The following FRAS1 variants were observed in gnomAD, a reference collection of about 807,000 sequenced individuals.
FRAS1 encodes extracellular matrix organizing protein FRAS1.
In FRAS1, 290 loss-of-function variants were observed where a neutral mutation model predicts 435.2. The ratio of observed to expected loss-of-function variants is 0.67; its 90% CI spans 0.61 to 0.73. FRAS1 has a LOEUF of 0.73. FRAS1 is among the 30% of genes least tolerant of loss of function. The pLI, the probability that FRAS1 is intolerant of heterozygous loss-of-function variation, is 0.00. For missense variants in FRAS1, 4,860 were observed against 5,001.5 expected (o/e 0.97, Z 0.85); for synonymous variants, 1,800 against 1,851.0 (o/e 0.97, Z 0.71).
chr4:78,521,703 A>C (rs1721392411), intron 68 of FRAS1, 73 bp downstream of exon 68: 1 of 936,168 alleles, frequency 1.1e-6, no homozygotes, highest in Admixed American at 2.2e-5. Flanking sequence ...AGTTGAAAGA[A>C]TAGAACAGTA....
At chr4:78,228,721 C>T (rs1429625727) in intron 2 of FRAS1, among the ~76,000 whole-genome samples, 2 of 152,188 alleles carry the variant, frequency 1.3e-5, no homozygotes, top group South Asian at 2.1e-4. Context: ...CTAAATGCTA[C>T]ACCTACTCCC....
At chr4:78,455,015 A>G (rs1323299719) in intron 47 of FRAS1, among the ~76,000 whole-genome samples, 1 of 151,980 alleles carries the variant, frequency 6.6e-6, no homozygotes, top group Non-Finnish European at 1.5e-5. Context: ...TTATTTCCTA[A>G]TTCACACCTT....
intron 2 of FRAS1, among the ~76,000 whole-genome samples, chr4:78,218,538 T>C (rs1217279325): frequency 2.0e-5 from 3 of 152,230 alleles, no homozygotes; most frequent in Non-Finnish European, 4.4e-5. Flanking sequence ...GTATGATATC[T>C]GATTGAAACC....
intron 70 of FRAS1, among the ~76,000 whole-genome samples, chr4:78,527,317 TATTC>T (rs56229743): frequency 5.1e-4 from 77 of 150,650 alleles, no homozygotes; most frequent in South Asian, 1.3e-3. Context: ...TTGTGCTGTA[TATTC>T]ATTCATTCAT....
chr4:78,452,425 A>G (rs1034136552), intron 47 of FRAS1, 71 bp downstream of exon 47: 1 of 1,125,510 alleles, frequency 8.9e-7, no homozygotes, highest in African/African-American at 1.6e-5. Flanking sequence ...CAGCCACATC[A>G]TGTATCATGT....
At chr4:78,354,277 C>T (rs1443733889) in intron 20 of FRAS1, among the ~76,000 whole-genome samples, 1 of 152,080 alleles carries the variant, frequency 6.6e-6, no homozygotes, top group South Asian at 2.1e-4. Flanking sequence ...ATTCTGTTGT[C>T]GTGTTTTATT....
intron 2 of FRAS1, among the ~76,000 whole-genome samples, chr4:78,121,715 G>T (rs1034198764): frequency 6.6e-6 from 1 of 152,186 alleles, no homozygotes; most frequent in Non-Finnish European, 1.5e-5. Context: ...ACTGGACCGT[G>T]TGTGTTTTAC....
intron 69 of FRAS1, among the ~76,000 whole-genome samples, chr4:78,525,485 A>AGTTGG (rs1237249482): frequency 2.0e-5 from 3 of 152,224 alleles, no homozygotes; most frequent in African/African-American, 7.2e-5. Flanking sequence ...CCCAGTTTTC[A>AGTTGG]GCCTGTGCCA....
chr4:78,200,910 T>TAC (rs1251089684), intron 2 of FRAS1, among the ~76,000 whole-genome samples: 3 of 147,810 alleles, frequency 2.0e-5, no homozygotes, highest in Non-Finnish European at 4.5e-5. Flanking sequence ...TACGTATATA[T>TAC]ATATATATGT....
rs188567646 is a variant in FRAS1 at position 78,487,494 on chromosome 4, C to T, written c.8753-1381C>T. ...GAGGCAGCCAGGAAATTGGTGATTA[C>T]AGCTTTAACCCAAAGACTAATTCTG... On this transcript the variant is annotated intron_variant, in intron 58 of 73. Transcript: ENST00000512123. 3.0e-3 allele frequency among the ~76,000 whole-genome samples: 459 copies of T among 152,170 alleles called. 2 individuals carry two copies. Among genetic ancestry groups the T allele is most frequent in the African/African-American group, 0.011 (444 of 41,530 alleles).
chr4:78,520,144 ACTC>A (rs1260445616), intron 67 of FRAS1, among the ~76,000 whole-genome samples: 1 of 149,880 alleles, frequency 6.7e-6, no homozygotes, highest in Admixed American at 6.6e-5. Flanking sequence ...CCTCACCCCC[ACTC>A]AGTTTCCACA....
chr4:78,464,012 T>C lies in FRAS1; in HGVS notation c.6764-9T>C. ...TCCTGTCTCTGTTTCTCTTTTCCCC[T>C]TTTTCTAGGTATCCAGATTAGTTCC... is the stretch of plus-strand genomic sequence containing the variant. On this transcript the variant is annotated splice_polypyrimidine_tract_variant and intron_variant, in intron 47 of 73. Transcript: ENST00000512123. The C allele has an allele frequency of 1.2e-6, 2 of 1,611,758 alleles. No individual in the cohort carries two copies. Among genetic ancestry groups the C allele is most frequent in the Non-Finnish European group, 1.7e-6 (2 of 1,179,134 alleles).
chr4:78,452,449 G>A, intron 47 of FRAS1, 95 bp downstream of exon 47: 1 of 929,184 alleles, frequency 1.1e-6, no homozygotes, highest in Non-Finnish European at 1.6e-6. Context: ...CCTAGAATCT[G>A]CCTTAATTCA....
At chr4:78,094,856 T>G (rs1037792387) in intron 2 of FRAS1, among the ~76,000 whole-genome samples, 2 of 152,164 alleles carry the variant, frequency 1.3e-5, no homozygotes, top group African/African-American at 4.8e-5. Context: ...AGAATTCCTA[T>G]GCCTTGATTT....
At chr4:78,260,942 A>G (rs1726066734) in intron 6 of FRAS1, among the ~76,000 whole-genome samples, 1 of 152,124 alleles carries the variant, frequency 6.6e-6, no homozygotes, top group African/African-American at 2.4e-5. Context: ...TTTAGACTGT[A>G]TTCCAGTTTT....
intron 23 of FRAS1, among the ~76,000 whole-genome samples, chr4:78,372,275 C>G (rs1186682776): frequency 3.9e-5 from 6 of 152,190 alleles, no homozygotes; most frequent in African/African-American, 1.4e-4. Flanking sequence ...TTATTGGTGG[C>G]AGCAGATGCA....
At chr4:78,239,267 CTT>C (rs138554466) in intron 3 of FRAS1, among the ~76,000 whole-genome samples, 1,903 of 152,242 alleles carry the variant, frequency 0.012, 34 homozygotes, top group African/African-American at 0.042. Flanking sequence ...GGCCCAAAAA[CTT>C]AACATCACTT....
intron 58 of FRAS1, among the ~76,000 whole-genome samples, chr4:78,484,028 T>C (rs556785217): frequency 1.3e-5 from 2 of 152,020 alleles, no homozygotes; most frequent in African/African-American, 4.8e-5. Flanking sequence ...CTCTGCAAAA[T>C]TATCTCATGT....
At chr4:78,177,373 A>G (rs534887117) in intron 2 of FRAS1, among the ~76,000 whole-genome samples, 61 of 152,286 alleles carry the variant, frequency 4.0e-4, no homozygotes, top group African/African-American at 1.5e-3. Context: ...CTCAATGTTT[A>G]TGGAAGGAGG....
Sources: allele counts gnomAD v4.1 joint callset (sites outside exome capture counted in the v4.1 genomes callset), GRCh38; gene constraint gnomAD v4.1.1; transcripts MANE v1.5; gene names NCBI Gene and HGNC (gene_info 2026-07-23, HGNC 2026-07-21).